PCDH11X: variants seen among roughly 807,000 people sequenced by gnomAD.
PCDH11X encodes the protein protocadherin-11 X-linked.
PCDH11X carries 18 observed loss-of-function variants against 53.3 expected under a neutral mutation model. The observed-to-expected ratio is 0.34, with a 90% CI of 0.23 to 0.50. The LOEUF (loss-of-function observed/expected upper bound fraction) is 0.50. Ranked by LOEUF, PCDH11X falls within the 20% of genes least tolerant of loss-of-function variation. The pLI is 0.98. For missense variants in PCDH11X, 570 were observed against 1,032.4 expected (o/e 0.55, Z 6.14); for synonymous variants, 279 against 393.3 (o/e 0.71, Z 3.44).
chrX:91,935,905 G>A (rs1195321345), intron 6 of PCDH11X, among the ~76,000 whole-genome samples: 1 of 110,213 alleles, frequency 9.1e-6, no homozygotes, highest in Non-Finnish European at 1.9e-5. Context: ...GGAAAGTCTA[G>A]ATTATTATAA....
At chrX:92,095,456 A>T (rs917134147) in intron 6 of PCDH11X, among the ~76,000 whole-genome samples, 1 of 111,365 alleles carries the variant, frequency 9.0e-6, no homozygotes. Flanking sequence ...ATAATATTTC[A>T]TTCTGGGGCT....
chrX:92,434,494 C>T (rs1002407012), intron 9 of PCDH11X, among the ~76,000 whole-genome samples: 3 of 110,428 alleles, frequency 2.7e-5, no homozygotes, highest in Non-Finnish European at 5.7e-5. Flanking sequence ...CGTATATTCA[C>T]TTAATGAATA....
intron 10 of PCDH11X, among the ~76,000 whole-genome samples, chrX:92,518,757 T>C (rs1270309880): frequency 1.1e-5 from 1 of 87,118 alleles, no homozygotes; most frequent in African/African-American, 4.2e-5. Context: ...AATTTTTTTT[T>C]TTTTTTTTTT....
chrX:92,184,410 A>G (rs1318183588), intron 6 of PCDH11X, among the ~76,000 whole-genome samples: 2 of 112,151 alleles, frequency 1.8e-5, no homozygotes, highest in Non-Finnish European at 3.7e-5. Context: ...TACTACCCAA[A>G]GTGATCTAAA....
intron 10 of PCDH11X, among the ~76,000 whole-genome samples, chrX:92,512,162 T>C (rs1188315677): frequency 2.8e-5 from 3 of 107,999 alleles, no homozygotes; most frequent in Non-Finnish European, 5.8e-5. Flanking sequence ...GACCATACTG[T>C]CATAATAGTC....
chrX:92,227,693 A>G (rs1010096551), intron 7 of PCDH11X, among the ~76,000 whole-genome samples: 1 of 111,220 alleles, frequency 9.0e-6, no homozygotes, highest in African/African-American at 3.3e-5. Context: ...GTGGGTTTTA[A>G]CGAGTAAAAC....
intron 9 of PCDH11X, among the ~76,000 whole-genome samples, chrX:92,448,021 A>G (rs1350369118): frequency 3.9e-5 from 4 of 103,880 alleles, no homozygotes; most frequent in Admixed American, 3.1e-4. Flanking sequence ...TGTTTTGCCA[A>G]TCTCTGCCAT....
In PCDH11X at chrX:92,309,527, A is replaced by G. The variant is rs752646660; in HGVS notation, c.3144+46384A>G. ...GGAAAGAGTGAGGAATTATTGTTTAATGGCTTTGGGGGTTTTGTTTGGAAA... is the reference window on the plus strand; with the variant it reads ...GGAAAGAGTGAGGAATTATTGTTTAGTGGCTTTGGGGGTTTTGTTTGGAAA... On this transcript the variant is annotated intron_variant, in intron 8 of 10. Coordinates refer to ENST00000682573, the MANE Select transcript of PCDH11X (RefSeq NM_032968.5). Among the ~76,000 whole-genome samples, 3 of 111,596 alleles carry G rather than the reference A, an allele frequency of 2.7e-5. No individual in the cohort carries two copies. The East Asian group carries it at 8.5e-4, about 32-fold the overall frequency.
intron 9 of PCDH11X, among the ~76,000 whole-genome samples, chrX:92,406,220 A>C (rs2071511313): frequency 9.0e-6 from 1 of 110,630 alleles, no homozygotes; most frequent in African/African-American, 3.3e-5. Context: ...GCTATACACA[A>C]GTGTTGATGT....
chrX:92,604,096 G>A (rs1926532502), intron 10 of PCDH11X, among the ~76,000 whole-genome samples: 1 of 108,395 alleles, frequency 9.2e-6, no homozygotes, highest in African/African-American at 3.3e-5. Flanking sequence ...ATAGGTAGAA[G>A]CAAAGTATTG....
chrX:91,787,792 G>A (rs1029658325), intron 1 of PCDH11X, among the ~76,000 whole-genome samples: 1 of 108,764 alleles, frequency 9.2e-6, no homozygotes, highest in Non-Finnish European at 1.9e-5. Context: ...AAATTTTGGA[G>A]AGTTCTGTCT....
At chrX:92,430,826 T>TAAAAATAAAAATAA (rs2072235092) in intron 9 of PCDH11X, among the ~76,000 whole-genome samples, 2 of 109,205 alleles carry the variant, frequency 1.8e-5, no homozygotes, top group African/African-American at 3.3e-5. Flanking sequence ...AAATCAGGTT[T>TAAAAATAAAAATAA]ACAACTCTGT....
At chrX:92,457,042 A>G (rs1291767525) in intron 9 of PCDH11X, among the ~76,000 whole-genome samples, 2 of 108,365 alleles carry the variant, frequency 1.8e-5, no homozygotes, top group African/African-American at 6.7e-5. Flanking sequence ...AAATTTTAAA[A>G]TAATTTATAT....
chrX:92,106,060 A>G (rs768058678), intron 6 of PCDH11X, among the ~76,000 whole-genome samples: 1 of 111,301 alleles, frequency 9.0e-6, no homozygotes, highest in African/African-American at 3.3e-5. Flanking sequence ...ACTTATTTTC[A>G]ACTTTAAAAT....
chrX:91,927,131 C>G lies in PCDH11X; in HGVS notation c.3033+47858C>G, dbSNP rs1013049470. 2.8e-4 allele frequency among the ~76,000 whole-genome samples: 30 copies of G among 108,354 alleles called. No homozygotes were observed. The Admixed American group carries it at 2.8e-3, about 10-fold the overall frequency. 94.1% of individuals were successfully genotyped at this position (108,354 alleles called of 115,157 possible). ...CTAAATAATCTAGATAGATAATGTGCTAAATAATACACTCACATGCACACA... is the reference window on the plus strand; with the variant it reads ...CTAAATAATCTAGATAGATAATGTGGTAAATAATACACTCACATGCACACA... On this transcript the variant is annotated intron_variant, in intron 6 of 10. Coordinates refer to ENST00000682573, the MANE Select transcript of PCDH11X (RefSeq NM_032968.5).
rs1380565957 is a variant in PCDH11X at position 92,230,826 on chromosome X, C to T, written c.3114+29371C>T. The stretch of plus-strand genomic sequence containing the variant: ...TGTTCTGCTACTGTCAGCAAATATT[C>T]CAGAGAATCCATTTGCTGAAGGGAA... On this transcript the variant is annotated intron_variant, in intron 7 of 10. Coordinates refer to ENST00000682573, the MANE Select transcript of PCDH11X (RefSeq NM_032968.5). Among the ~76,000 whole-genome samples the T allele has an allele frequency of 5.5e-5, 6 of 109,112 alleles. No individual in the cohort carries two copies. The Admixed American group carries it at 6.1e-4, about 11-fold the overall frequency. 94.8% of individuals were successfully genotyped at this position (109,112 alleles called of 115,157 possible).
chrX:92,015,643 G>T (rs1427047384), intron 6 of PCDH11X, among the ~76,000 whole-genome samples: 11 of 111,827 alleles, frequency 9.8e-5, no homozygotes, highest in Non-Finnish European at 1.9e-4. Context: ...GTTTTATCAT[G>T]ATATTGCAAC....
At chrX:92,350,359 A>G (rs924132221) in intron 8 of PCDH11X, among the ~76,000 whole-genome samples, 4 of 110,556 alleles carry the variant, frequency 3.6e-5, no homozygotes, top group Non-Finnish European at 7.6e-5. Context: ...TTGGTAGGCT[A>G]TGTCAGAGGG....
intron 6 of PCDH11X, among the ~76,000 whole-genome samples, chrX:92,094,624 T>C (rs976502191): frequency 4.5e-5 from 5 of 111,490 alleles, no homozygotes; most frequent in African/African-American, 1.6e-4. Context: ...TTAACTGCTC[T>C]ATCATGTCCA....
Sources: allele counts gnomAD v4.1 joint callset (sites outside exome capture counted in the v4.1 genomes callset), GRCh38; gene constraint gnomAD v4.1.1; transcripts MANE v1.5; gene names NCBI Gene and HGNC (gene_info 2026-07-23, HGNC 2026-07-21).